WWOX: variants seen among roughly 807,000 people sequenced by gnomAD.
WWOX encodes the protein WW domain containing oxidoreductase, also known as WW domain-containing oxidoreductase.
In WWOX, 69 loss-of-function variants were observed where a neutral mutation model predicts 46.2. The ratio of observed to expected loss-of-function variants is 1.49; its 90% CI spans 1.23 to 1.82. The LOEUF (loss-of-function observed/expected upper bound fraction) is 1.82. Ranked by LOEUF, WWOX falls within the 40% of genes most tolerant of loss-of-function variation. WWOX has a pLI of 0.00. For synonymous variants in WWOX, 359 were observed against 202.6 expected (o/e 1.77, Z -6.56); for missense variants, 919 against 542.6 (o/e 1.69, Z -6.89).
chr16:78,959,128 T>G (rs1483138302), intron 8 of WWOX, among the ~76,000 whole-genome samples: 1 of 152,224 alleles, frequency 6.6e-6, no homozygotes, highest in African/African-American at 2.4e-5. Context: ...TTATCCGAAC[T>G]TACCGCTAGG....
chr16:78,560,203 G>A (rs565305890), intron 8 of WWOX, among the ~76,000 whole-genome samples: 2 of 152,276 alleles, frequency 1.3e-5, no homozygotes, highest in Admixed American at 6.5e-5. Context: ...TACTGAAACA[G>A]GTACCTTTTG....
At chr16:78,130,390 C>G (rs1361764688) in intron 4 of WWOX, among the ~76,000 whole-genome samples, 1 of 152,166 alleles carries the variant, frequency 6.6e-6, no homozygotes, top group Admixed American at 6.5e-5. Context: ...AGGGCCCTCC[C>G]CAAGAACGTG....
intron 8 of WWOX, among the ~76,000 whole-genome samples, chr16:78,820,670 C>G (rs1178978427): frequency 1.3e-5 from 2 of 152,140 alleles, no homozygotes; most frequent in African/African-American, 4.8e-5. Context: ...ACCAACCATG[C>G]CACGTGTATG....
chr16:78,229,585 A>G (rs2037186271), intron 5 of WWOX, among the ~76,000 whole-genome samples: 1 of 151,170 alleles, frequency 6.6e-6, no homozygotes. Flanking sequence ...TCTAGGACTT[A>G]GAGTGATTAG....
chr16:78,660,398 C>T (rs1192499623), intron 8 of WWOX, among the ~76,000 whole-genome samples: 2 of 152,122 alleles, frequency 1.3e-5, no homozygotes, highest in East Asian at 3.9e-4. Flanking sequence ...CATTGATATG[C>T]TTCCTGAGAG....
rs567387443 is a variant in WWOX at position 78,665,584 on chromosome 16, G to A, written c.1056+232832G>A. Among the ~76,000 whole-genome samples, 46 of 152,150 alleles carry A rather than the reference G, an allele frequency of 3.0e-4. 1 individual carries two copies. The South Asian group carries it at 9.6e-3, about 32-fold the overall frequency. ...CTCCTTTCCCTCTACCACGCTGACT[G>A]GCAGTATTCCAGATTCCGATTGCCC... On this transcript the variant is annotated intron_variant, in intron 8 of 8. Coordinates refer to ENST00000566780, the MANE Select transcript of WWOX (RefSeq NM_016373.4).
chr16:78,633,722 C>T (rs1006728649), intron 8 of WWOX, among the ~76,000 whole-genome samples: 3 of 152,178 alleles, frequency 2.0e-5, no homozygotes, highest in Admixed American at 6.5e-5. Context: ...GTTGGGCTGG[C>T]AGGCCTGGCT....
intron 8 of WWOX, chr16:78,899,189 T>G (rs559369507): frequency 6.6e-6 from 1 of 152,306 alleles, no homozygotes; most frequent in South Asian, 2.1e-4. Context: ...TATGTGATGC[T>G]AGTTGTATGT....
intron 8 of WWOX, among the ~76,000 whole-genome samples, chr16:79,003,782 C>G (rs2047139933): frequency 6.6e-6 from 1 of 152,148 alleles, no homozygotes; most frequent in Non-Finnish European, 1.5e-5. Context: ...CTGACTTAGT[C>G]TCAGAAGGCA....
chr16:78,687,103 A>T (rs552148433), intron 8 of WWOX, among the ~76,000 whole-genome samples: 3 of 151,926 alleles, frequency 2.0e-5, no homozygotes, highest in Non-Finnish European at 2.9e-5. Context: ...TTTTTTTCCA[A>T]TGAGAGTACT....
At chr16:78,664,539 A>G (rs927508045) in intron 8 of WWOX, among the ~76,000 whole-genome samples, 1 of 152,220 alleles carries the variant, frequency 6.6e-6, no homozygotes, top group Non-Finnish European at 1.5e-5. Context: ...AAGCTTGTAA[A>G]TAAAGTCTCC....
chr16:78,622,022 A>G (rs1475742894), intron 8 of WWOX, among the ~76,000 whole-genome samples: 3 of 152,116 alleles, frequency 2.0e-5, no homozygotes, highest in African/African-American at 7.2e-5. Context: ...AGTTGAAGGA[A>G]AGTTTTGGCT....
At chr16:78,984,874 G>A (rs555112983) in intron 8 of WWOX, among the ~76,000 whole-genome samples, 1 of 152,192 alleles carries the variant, frequency 6.6e-6, no homozygotes, top group African/African-American at 2.4e-5. Flanking sequence ...CATGGAGCGT[G>A]CAGGGGAAGA....
chr16:78,455,528 A>G (rs898123798), intron 8 of WWOX, among the ~76,000 whole-genome samples: 37 of 150,954 alleles, frequency 2.5e-4, no homozygotes, highest in African/African-American at 8.5e-4. Flanking sequence ...CTGTAGTCCC[A>G]GCTACTCTGG....
intron 8 of WWOX, among the ~76,000 whole-genome samples, chr16:78,710,496 A>ATATATATATATATATATATATATATATT (rs1567507575): frequency 2.2e-5 from 3 of 134,442 alleles, no homozygotes; most frequent in Admixed American, 7.7e-5. Flanking sequence ...ATATATATAT[A>ATATATATATATATATATATATATATATT]TATTTATATA....
intron 4 of WWOX, among the ~76,000 whole-genome samples, chr16:78,125,847 A>G (rs2033338427): frequency 6.6e-6 from 1 of 152,204 alleles, no homozygotes; most frequent in African/African-American, 2.4e-5. Context: ...AGGCTAGATT[A>G]GCTTGATGTG....
chr16:78,130,389 C>A (rs550381931), intron 4 of WWOX, among the ~76,000 whole-genome samples: 5 of 152,108 alleles, frequency 3.3e-5, no homozygotes, highest in Non-Finnish European at 7.4e-5. Context: ...GAGGGCCCTC[C>A]CCAAGAACGT....
intron 8 of WWOX, among the ~76,000 whole-genome samples, chr16:79,186,924 A>C (rs759803485): frequency 7.2e-5 from 11 of 152,188 alleles, no homozygotes; most frequent in Admixed American, 3.3e-4. Flanking sequence ...TTCACTCCCA[A>C]GCCCAAAAGT....
At chr16:79,028,044 T>C (rs1468911807) in intron 8 of WWOX, among the ~76,000 whole-genome samples, 1 of 151,784 alleles carries the variant, frequency 6.6e-6, no homozygotes, top group Non-Finnish European at 1.5e-5. Context: ...CTCTGCCTCC[T>C]GGGTTCACGC....
Sources: gnomAD v4.1 joint callset for allele counts (sites outside exome capture counted in the v4.1 genomes callset) on GRCh38, gnomAD v4.1.1 for gene constraint, MANE v1.5 for transcripts, NCBI Gene and HGNC (gene_info 2026-07-23, HGNC 2026-07-21) for gene names.